The following WDR33 variants were observed in gnomAD, a reference collection of about 807,000 sequenced individuals.
The protein encoded by WDR33 is pre-mRNA 3' end processing protein WDR33.
WDR33 carries 47 observed loss-of-function variants against 164.9 expected under a neutral mutation model. The ratio of observed to expected loss-of-function variants is 0.29; its 90% CI spans 0.23 to 0.36. The LOEUF is 0.36. Among genes scored for constraint, WDR33 ranks in the 10% least tolerant of loss-of-function variants. WDR33 has a pLI of 1.00. For synonymous variants in WDR33, 505 were observed against 589.0 expected, an observed-to-expected ratio of 0.86 and a Z score of 2.06; for missense variants, 1,137 against 1,754.1, an observed-to-expected ratio of 0.65 and a Z score of 6.28.
Position 127,738,424 on chromosome 2 carries a change from C to T in WDR33, c.725-11647G>A, listed in dbSNP as rs1201099885. Among the ~76,000 whole-genome samples, 1 of 152,078 alleles carries T rather than the reference C, an allele frequency of 6.6e-6. No homozygotes were observed. Among genetic ancestry groups the T allele is most frequent in the East Asian group, 1.9e-4 (1 of 5,194 alleles). ...CCACATAATTTACACAGTTACTCCA[C>T]CTGAAAAGAGGTGAGGTGTAATGCT... On this transcript the variant is annotated intron_variant, in intron 7 of 21. Transcript: ENST00000322313. The surrounding 1 kb of genome is among the most constrained non-coding windows in gnomAD (Gnocchi z 4.4).
In WDR33 at chr2:127,708,926, C is replaced by T; in HGVS notation, c.3566-34G>A. ...AGAAACAAATCTCCTTACAGGAAAG[C>T]ACAGTGTGACCAGAAGTAGATGGGA... On this transcript the variant is annotated intron_variant, in intron 20 of 21. Transcript: ENST00000322313. This position sits in a 1 kb window ranked among gnomAD's most constrained non-coding sequence, Gnocchi z 6.7. 6.6e-7 allele frequency: 1 copy of T among 1,515,320 alleles called. No homozygotes were observed. The highest frequency in any genetic ancestry group is 8.9e-7 in the Non-Finnish European group (1 of 1,126,880). 93.9% of individuals were successfully genotyped at this position (1,515,320 alleles called of 1,614,324 possible).
At chr2:127,737,981 T>C in intron 7 of WDR33, 1 of 1,610,382 alleles carries the variant, frequency 6.2e-7, no homozygotes, top group Admixed American at 1.7e-5. Context: ...TGTGGCTCCC[T>C]AAACTTTGTC....
chr2:127,790,400 TTTC>T (rs1308706789), intron 1 of WDR33, among the ~76,000 whole-genome samples: 1 of 152,178 alleles, frequency 6.6e-6, no homozygotes, highest in East Asian at 1.9e-4. Context: ...CTGGTGTGGT[TTTC>T]TTTTCTTGTA....
At chr2:127,783,589 T>C (rs1395632986) in intron 1 of WDR33, among the ~76,000 whole-genome samples, 1 of 150,082 alleles carries the variant, frequency 6.7e-6, no homozygotes, top group African/African-American at 2.5e-5. Flanking sequence ...GCTATTTTAT[T>C]TCAGGACTCC....
At chr2:127,810,615 G>A (rs913658069) in intron 1 of WDR33, 1 of 152,226 alleles carries the variant, frequency 6.6e-6, no homozygotes, top group African/African-American at 2.4e-5. Flanking sequence ...CTGTTTTGCA[G>A]ATTTCACGTT....
At chr2:127,803,557 G>A (rs986072012) in intron 1 of WDR33, among the ~76,000 whole-genome samples, 3 of 152,058 alleles carry the variant, frequency 2.0e-5, no homozygotes, top group Non-Finnish European at 4.4e-5. Context: ...GACAGAGGGA[G>A]ACTGTCTCAA....
At position 127,704,444 on chromosome 2, in the gene WDR33, G is replaced by A. The variant is rs1338366459; in HGVS notation, c.*1879C>T. The A allele has an allele frequency of 6.0e-6, 1 of 166,868 alleles. No individual in the cohort carries two copies. Among genetic ancestry groups the A allele is most frequent in the Admixed American group, 6.6e-5 (1 of 15,264 alleles). The allele number at this position is 166,868 out of a possible 1,614,324, so 10.3% of individuals were successfully genotyped here. ...GAAAAAAAGTCTAATCTTGATATGG[G>A]TTTGGTCTCTGGATCCGGTTTTAGC... is the stretch of plus-strand genomic sequence containing the variant. On this transcript the variant is annotated 3_prime_UTR_variant, in exon 22 of 22. Coordinates refer to ENST00000322313, the MANE Select transcript of WDR33 (RefSeq NM_018383.5).
At chr2:127,736,643 T>C (rs1214659697) in intron 7 of WDR33, 1 of 985,316 alleles carries the variant, frequency 1.0e-6, no homozygotes, top group African/African-American at 1.7e-5. Flanking sequence ...TAAAAGAAAC[T>C]GTCAAATAGG....
chr2:127,790,555 A>G (rs1228762634), intron 1 of WDR33, among the ~76,000 whole-genome samples: 10 of 152,214 alleles, frequency 6.6e-5, no homozygotes, highest in Non-Finnish European at 1.3e-4. Context: ...TCTCAACCTC[A>G]ACTTTCCTTT....
Position 127,763,454 on chromosome 2 carries a change from A to G in WDR33, c.627-295T>C. On this transcript the variant is annotated intron_variant, in intron 6 of 21. Coordinates refer to ENST00000322313, the MANE Select transcript of WDR33 (RefSeq NM_018383.5). This position sits in a 1 kb window ranked among gnomAD's most constrained non-coding sequence, Gnocchi z 4.5. ...TTCTCTATTTTCTATGATACGAGGAAATCACATGAAGCTGCCTTAAGTGGT... is the reference window on the plus strand; with the variant it reads ...TTCTCTATTTTCTATGATACGAGGAGATCACATGAAGCTGCCTTAAGTGGT... 1 of 1,129,964 alleles carries G rather than the reference A, an allele frequency of 8.8e-7. No individual in the cohort carries two copies. 70.0% of individuals were successfully genotyped at this position (1,129,964 alleles called of 1,614,324 possible).
chr2:127,753,912 A>C (rs1687443199), intron 7 of WDR33, among the ~76,000 whole-genome samples: 1 of 152,210 alleles, frequency 6.6e-6, no homozygotes, highest in South Asian at 2.1e-4. Flanking sequence ...TTCAAAGCCT[A>C]ACCTACCTAG....
chr2:127,804,287 G>A (rs1689358726), intron 1 of WDR33, among the ~76,000 whole-genome samples: 1 of 151,958 alleles, frequency 6.6e-6, no homozygotes, highest in South Asian at 2.1e-4. Context: ...TCCCAGCCTG[G>A]GAGACAGAGC....
intron 1 of WDR33, chr2:127,810,685 C>T (rs541688134): frequency 6.6e-6 from 1 of 152,448 alleles, no homozygotes; most frequent in Non-Finnish European, 1.5e-5. Context: ...TCCACTCCCG[C>T]CCCAAACCTC....
chr2:127,782,004 A>C (rs1688388872), intron 1 of WDR33, among the ~76,000 whole-genome samples: 1 of 150,192 alleles, frequency 6.7e-6, no homozygotes, highest in Non-Finnish European at 1.5e-5. Context: ...TTTTCTAAAA[A>C]AAAAAAAAAA....
intron 7 of WDR33, among the ~76,000 whole-genome samples, chr2:127,750,700 A>ATC (rs1246585644): frequency 2.0e-4 from 12 of 61,028 alleles, no homozygotes; most frequent in African/African-American, 1.1e-3. Context: ...ATATATATAT[A>ATC]TATATATATA....
chr2:127,794,488 C>T (rs1338985386), intron 1 of WDR33, among the ~76,000 whole-genome samples: 8 of 147,294 alleles, frequency 5.4e-5, no homozygotes, highest in Admixed American at 2.7e-4. Context: ...GGGACAAGAG[C>T]GAGACTTCAT....
intron 7 of WDR33, among the ~76,000 whole-genome samples, chr2:127,731,912 C>A (rs1212802133): frequency 6.6e-6 from 1 of 152,000 alleles, no homozygotes; most frequent in African/African-American, 2.4e-5. Context: ...ATAGTGAGAC[C>A]CTGTCTCTAG....
At position 127,713,840 on chromosome 2, in the gene WDR33, A is replaced by G. The variant is rs775246000; in HGVS notation, c.3051T>C (p.Asp1017=). The G allele has an allele frequency of 6.2e-7, 1 of 1,614,238 alleles. No individual in the cohort carries two copies. The highest frequency in any genetic ancestry group is 1.7e-5 in the Admixed American group (1 of 60,034). Residue 1017 remains aspartate (D), a synonymous_variant, in exon 18 of 22, where the codon GAT becomes GAC. Coordinates refer to ENST00000322313, the MANE Select transcript of WDR33 (RefSeq NM_018383.5). This position sits in a 1 kb window ranked among gnomAD's most constrained non-coding sequence, Gnocchi z 6.2. Reference sequence around the variant, plus strand: ...CAAAGCGCTTGTCAGGGTGGAAGTCATCTGGTCTGCTGAAGTCATCGGGGA... The same window carrying G: ...CAAAGCGCTTGTCAGGGTGGAAGTCGTCTGGTCTGCTGAAGTCATCGGGGA... ...PDFPDDFSRP[D]DFHPDKRFGH... is the part of the protein sequence containing the mutation.
rs184471842 is a variant in WDR33 at position 127,797,756 on chromosome 2, A to G, written c.-24+13256T>C. On this transcript the variant is annotated intron_variant, in intron 1 of 21. Transcript: ENST00000322313. ...GCCAGGCACGGTGGTTCAAGCCTGT[A>G]ATCCCAACACTTCGGGAGGCTGAGG... Among the ~76,000 whole-genome samples, 14 of 152,294 alleles carry G rather than the reference A, an allele frequency of 9.2e-5. No homozygotes were observed. The East Asian group carries it at 2.7e-3, about 29-fold the overall frequency.
Sources: allele counts gnomAD v4.1 joint callset (sites outside exome capture counted in the v4.1 genomes callset), GRCh38; gene constraint gnomAD v4.1.1; non-coding constraint Gnocchi (gnomAD v3.1); transcripts MANE v1.5; gene names NCBI Gene and HGNC (gene_info 2026-07-23, HGNC 2026-07-21).